The following GSG1L2 variants were observed in gnomAD, a reference collection of about 807,000 sequenced individuals.
The protein encoded by GSG1L2 is germ cell-specific gene 1-like protein 2.
A neutral mutation model predicts 9.0 loss-of-function variants in GSG1L2; 15 were observed. The observed-to-expected ratio is 1.67, with a 90% CI of 1.12 to 2.57. GSG1L2 has a LOEUF of 2.57. Among genes scored for constraint, GSG1L2 ranks in the 30% most tolerant of loss-of-function variants. The pLI is 0.00. For synonymous variants in GSG1L2, 127 were observed against 57.9 expected, an observed-to-expected ratio of 2.19 and a Z score of -5.41; for missense variants, 286 against 150.3, an observed-to-expected ratio of 1.90 and a Z score of -4.72.
rs756925200 is a variant in GSG1L2, at chr17:9,808,847, A to G, written c.494T>C (p.Ile165Thr). 6 of 702,866 alleles carry G rather than the reference A, an allele frequency of 8.5e-6. No homozygotes were observed. In the African/African-American group the frequency reaches 8.7e-5, roughly 10 times the overall value. The allele number at this position is 702,866 out of a possible 1,614,324, so 43.5% of individuals were successfully genotyped here. The change falls in exon 3 of 5, where the codon ATC (isoleucine) becomes ACC (threonine). Residue 165 changes from isoleucine (I) to threonine (T), a missense_variant. Transcript: ENST00000399363. ...HWLRVDALVA[I>T]FMVLAGLLGM... The stretch of plus-strand genomic sequence containing the variant: ...GAAAGTACCTGCCAGCACCATGAAG[A>G]TGGCTACCAAGGCATCCACCCTGAG...
At position 9,802,389 on chromosome 17, in the gene GSG1L2, G is replaced by C. The variant is rs760427032; in HGVS notation, c.879C>G (p.Cys293Trp). The C allele has an allele frequency of 4.6e-6, 3 of 657,956 alleles. No individual in the cohort carries two copies. The highest frequency in any genetic ancestry group is 3.6e-5 in the African/African-American group (2 of 56,102). The allele number at this position is 657,956 out of a possible 1,614,324, so 40.8% of individuals were successfully genotyped here. ...PPGAPGKVSI[C>W] ...ATGTGGCAGCCATGGACACTGGCTAGCATATGGACACCTTGCCTGGGGCGC... is the reference window on the plus strand; with the variant it reads ...ATGTGGCAGCCATGGACACTGGCTACCATATGGACACCTTGCCTGGGGCGC... Residue 293 changes from cysteine to tryptophan, a missense_variant, in exon 5 of 5, where the codon TGC becomes TGG. Transcript: ENST00000399363.
intron 1 of GSG1L2, among the ~76,000 whole-genome samples, chr17:9,819,345 C>G (rs1321960218): frequency 1.3e-5 from 2 of 152,162 alleles, no homozygotes; most frequent in South Asian, 2.1e-4. Flanking sequence ...AGGAAGATGA[C>G]AGAGGGTATG....
At chr17:9,812,113 G>T (rs2066541620) in intron 1 of GSG1L2, among the ~76,000 whole-genome samples, 2 of 152,162 alleles carry the variant, frequency 1.3e-5, no homozygotes. Context: ...ACTATAATGA[G>T]TTCTATTAGA....
rs9907444 is a variant in GSG1L2, at chr17:9,820,970, C to A, written c.310+792G>T. ...GAGCCACCAGGCTGGGCCTCAGGGG[C>A]TTCATTCTTGTTGCCTTTTACTTAG... On this transcript the variant is annotated intron_variant, in intron 1 of 4. Transcript: ENST00000399363. This position sits in a 1 kb window ranked among gnomAD's most constrained non-coding sequence, Gnocchi z 4.9. Among the ~76,000 whole-genome samples, 67,467 of 152,018 alleles carry A rather than the reference C, an allele frequency of 0.44. 16,855 individuals carry two copies. Among genetic ancestry groups the A allele is most frequent in the East Asian group, 0.69 (3,536 of 5,162 alleles).
rs2066494220 is a variant in GSG1L2, at chr17:9,800,849, G to T, written c.*1537C>A. 2.0e-5 allele frequency among the ~76,000 whole-genome samples: 3 copies of T among 152,330 alleles called. No homozygotes were observed. In the South Asian group the frequency reaches 6.2e-4, roughly 32 times the overall value. On this transcript the variant is annotated 3_prime_UTR_variant, in exon 5 of 5. Transcript: ENST00000399363. ...GAGGCTTGTGGGTACAAACTCTCCT[G>T]CTCTAGGTGAGCACATGGCCCAGGG...
chr17:9,819,190 G>A (rs1227292267), intron 1 of GSG1L2, among the ~76,000 whole-genome samples: 1 of 152,188 alleles, frequency 6.6e-6, no homozygotes, highest in Non-Finnish European at 1.5e-5. Flanking sequence ...AAGAGGCAAT[G>A]GGCAACTCCA....
intron 1 of GSG1L2, among the ~76,000 whole-genome samples, chr17:9,815,263 G>A (rs1383527685): frequency 3.3e-5 from 5 of 152,124 alleles, no homozygotes; most frequent in Admixed American, 1.3e-4. Context: ...GGTGGCATGC[G>A]CCTGTAATCC....
chr17:9,816,154 T>G (rs1255969019), intron 1 of GSG1L2, among the ~76,000 whole-genome samples: 1 of 152,234 alleles, frequency 6.6e-6, no homozygotes, highest in Non-Finnish European at 1.5e-5. Context: ...TTCTTTTCTT[T>G]ATAAATTACC....
At chr17:9,814,048 C>T (rs2066549999) in intron 1 of GSG1L2, among the ~76,000 whole-genome samples, 1 of 152,018 alleles carries the variant, frequency 6.6e-6, no homozygotes, top group East Asian at 1.9e-4. Context: ...GATTCTCCTG[C>T]CTCAGCCTCC....
chr17:9,814,672 T>C (rs1380525713), intron 1 of GSG1L2, among the ~76,000 whole-genome samples: 1 of 152,170 alleles, frequency 6.6e-6, no homozygotes, highest in Non-Finnish European at 1.5e-5. Flanking sequence ...AAAAAATCTT[T>C]ATAAATCCCA....
In GSG1L2 at chr17:9,806,576, G is replaced by A. The variant is rs539217470; in HGVS notation, c.623+914C>T. Reference sequence around the variant, plus strand: ...AGACCATTCTTCAGGCTCCTTTAGTGTTTGGAATTTGCTTCTATCCATAGC... The same window carrying A: ...AGACCATTCTTCAGGCTCCTTTAGTATTTGGAATTTGCTTCTATCCATAGC... On this transcript the variant is annotated intron_variant, in intron 4 of 4. Transcript: ENST00000399363. Among the ~76,000 whole-genome samples, 32 of 152,320 alleles carry A rather than the reference G, an allele frequency of 2.1e-4. 1 individual carries two copies. The highest frequency in any genetic ancestry group is 1.8e-3 in the Admixed American group (28 of 15,302).
intron 3 of GSG1L2, 54 bp from the exon 4 acceptor site, chr17:9,807,655 C>T: frequency 1.4e-6 from 1 of 701,980 alleles, no homozygotes; most frequent in Middle Eastern, 2.5e-4. Context: ...GATGGAAGAA[C>T]TCTACGCGGT....
chr17:9,800,814 G>A lies in GSG1L2; in HGVS notation c.*1572C>T, dbSNP rs2066494055. ...AACCATATGAAAGAACCTGCACACT[G>A]CAAAGGGCAGAGGCTTGTGGGTACA... On this transcript the variant is annotated 3_prime_UTR_variant, in exon 5 of 5. Transcript: ENST00000399363. Among the ~76,000 whole-genome samples, 1 of 152,212 alleles carries A rather than the reference G, an allele frequency of 6.6e-6. No individual in the cohort carries two copies. The highest frequency in any genetic ancestry group is 2.1e-4 in the South Asian group (1 of 4,826).
intron 1 of GSG1L2, among the ~76,000 whole-genome samples, chr17:9,813,830 A>G (rs1453386959): frequency 6.6e-6 from 1 of 152,196 alleles, no homozygotes; most frequent in Non-Finnish European, 1.5e-5. Flanking sequence ...TCACCATCGC[A>G]AGTTTCCTGG....
chr17:9,808,727 T>C, intron 3 of GSG1L2, 103 bp downstream of exon 3: 1 of 623,288 alleles, frequency 1.6e-6, no homozygotes, highest in Non-Finnish European at 2.9e-6. Flanking sequence ...AAATGGCCAT[T>C]GATGGGAAAG....
At chr17:9,814,083 C>T (rs1424049156) in intron 1 of GSG1L2, among the ~76,000 whole-genome samples, 5 of 152,050 alleles carry the variant, frequency 3.3e-5, no homozygotes, top group Admixed American at 1.3e-4. Context: ...TACAGGCACC[C>T]GCCACTATGC....
chr17:9,817,480 A>C (rs2066572399), intron 1 of GSG1L2, among the ~76,000 whole-genome samples: 1 of 149,124 alleles, frequency 6.7e-6, no homozygotes, highest in Non-Finnish European at 1.5e-5. Flanking sequence ...GCTGGAGTAC[A>C]GTGGTGCGAT....
intron 1 of GSG1L2, among the ~76,000 whole-genome samples, chr17:9,813,940 T>C (rs2066549376): frequency 8.4e-6 from 1 of 118,734 alleles, no homozygotes; most frequent in Admixed American, 9.4e-5. Context: ...TTCCACAGTT[T>C]TTTCTGTTTT....
Position 9,808,797 on chromosome 17 carries a change from G to A in GSG1L2, c.511+33C>T, listed in dbSNP as rs2066526113. ...TCTGACACTCTGCTTTCCCTCTGGG[G>A]CAGCCTGTTCCAAGGATGCTGTTGG... On this transcript the variant is annotated intron_variant, in intron 3 of 4. Coordinates refer to ENST00000399363, the MANE Select transcript of GSG1L2 (RefSeq NM_001310219.2). 4.3e-6 allele frequency: 3 copies of A among 701,570 alleles called. No individual in the cohort carries two copies. In the East Asian group the frequency reaches 8.1e-5, roughly 19 times the overall value. The allele number at this position is 701,570 out of a possible 1,614,324, so 43.5% of individuals were successfully genotyped here.
Sources: gnomAD v4.1 joint callset for allele counts (sites outside exome capture counted in the v4.1 genomes callset) on GRCh38, gnomAD v4.1.1 for gene constraint, Gnocchi (gnomAD v3.1) non-coding constraint, MANE v1.5 for transcripts, NCBI Gene and HGNC (gene_info 2026-07-23, HGNC 2026-07-21) for gene names.